Variants in PCDH19 observed in about 807,000 individuals in gnomAD.
The protein encoded by PCDH19 is protocadherin-19.
PCDH19 carries 6 observed loss-of-function variants against 46.2 expected under a neutral mutation model. That is an observed-to-expected ratio of 0.13 (90% CI 0.07 to 0.26). The LOEUF is 0.26. PCDH19 is among the 10% of genes least tolerant of loss of function. PCDH19 has a pLI of 1.00. For missense variants in PCDH19, 740 were observed against 972.3 expected, an observed-to-expected ratio of 0.76 and a Z score of 3.18; for synonymous variants, 481 against 415.7, an observed-to-expected ratio of 1.16 and a Z score of -1.91.
At chrX:100,311,062 T>C (rs1389019984) in intron 5 of PCDH19, among the ~76,000 whole-genome samples, 2 of 108,297 alleles carry the variant, frequency 1.8e-5, no homozygotes, top group African/African-American at 6.7e-5. Flanking sequence ...CTCAGGCTGG[T>C]CTCAAAATCC....
At chrX:100,312,442 C>T (rs952936176) in intron 5 of PCDH19, among the ~76,000 whole-genome samples, 1 of 112,010 alleles carries the variant, frequency 8.9e-6, no homozygotes, top group Non-Finnish European at 1.9e-5. Context: ...ATCCATCTTA[C>T]ATGGACAATG....
rs374943045 is a variant in PCDH19, at chrX:100,382,869, C to A, written c.2616+19655G>T. 5.4e-5 allele frequency among the ~76,000 whole-genome samples: 6 copies of A among 111,767 alleles called. 1 individual carries two copies. In the Admixed American group the frequency reaches 5.7e-4, roughly 11 times the overall value. On this transcript the variant is annotated intron_variant, in intron 3 of 5. Coordinates refer to ENST00000373034, the MANE Select transcript of PCDH19 (RefSeq NM_001184880.2). ...ACATTTGAACTAGAGATGGGTGTCA[C>A]AGTAAGGAACAATGAGAAACTCTGA...
chrX:100,397,999 CACACACACACACAT>C (rs1329184156), intron 3 of PCDH19, among the ~76,000 whole-genome samples: 1 of 110,208 alleles, frequency 9.1e-6, no homozygotes, highest in Non-Finnish European at 1.9e-5. Context: ...CCCTCATACA[CACACACACACACAT>C]ACACACACAC....
chrX:100,327,616 TA>T (rs1925736707), intron 5 of PCDH19, among the ~76,000 whole-genome samples: 1 of 112,167 alleles, frequency 8.9e-6, no homozygotes, highest in Non-Finnish European at 1.9e-5. Flanking sequence ...AGATAGTACA[TA>T]TAAAAGGAAA....
At chrX:100,310,968 G>T (rs895214654) in intron 5 of PCDH19, among the ~76,000 whole-genome samples, 1 of 108,154 alleles carries the variant, frequency 9.2e-6, no homozygotes, top group Non-Finnish European at 1.9e-5. Context: ...CTCCTGGCTC[G>T]GTCTTCCAAG....
At chrX:100,313,062 C>T (rs985942749) in intron 5 of PCDH19, among the ~76,000 whole-genome samples, 1 of 111,655 alleles carries the variant, frequency 9.0e-6, no homozygotes, top group African/African-American at 3.3e-5. Context: ...GATGCATTTT[C>T]ATTCACAAAT....
rs972109634 is a variant in PCDH19, at chrX:100,294,174, ATACT to A, written c.*2099_*2102del. 2.7e-5 allele frequency: 3 copies of A among 112,361 alleles called. No homozygotes were observed. The highest frequency in any genetic ancestry group is 5.6e-5 in the Non-Finnish European group (3 of 53,236). The allele number at this position is 112,361 out of a possible 1,213,427, so 9.3% of individuals were successfully genotyped here. Reference sequence around the variant, plus strand: ...AATAGTCACTTGCAAAGAGAAATAAATACTTAATTCAAAATCCACTACCAAAATG... The same window carrying A: ...AATAGTCACTTGCAAAGAGAAATAAATAATTCAAAATCCACTACCAAAATG... On this transcript the variant is annotated 3_prime_UTR_variant, in exon 6 of 6. Transcript: ENST00000373034.
chrX:100,374,010 G>C (rs1347094136), intron 3 of PCDH19, among the ~76,000 whole-genome samples: 1 of 112,198 alleles, frequency 8.9e-6, no homozygotes, highest in Admixed American at 9.4e-5. Flanking sequence ...TAAAAATGAG[G>C]GTTTCTCTAA....
At chrX:100,325,065 C>CA (rs1163209029) in intron 5 of PCDH19, among the ~76,000 whole-genome samples, 1 of 109,112 alleles carries the variant, frequency 9.2e-6, no homozygotes, top group East Asian at 2.9e-4. Flanking sequence ...AAACAAAAAC[C>CA]AAAAACCGGC....
At chrX:100,304,274 C>T (rs1273253593) in intron 5 of PCDH19, among the ~76,000 whole-genome samples, 1 of 111,460 alleles carries the variant, frequency 9.0e-6, no homozygotes, top group Non-Finnish European at 1.9e-5. Context: ...CAGTACCAGC[C>T]CATAGCCCAG....
intron 5 of PCDH19, among the ~76,000 whole-genome samples, chrX:100,304,138 A>G (rs752900258): frequency 1.8e-5 from 2 of 112,272 alleles, no homozygotes; most frequent in Admixed American, 1.9e-4. Context: ...CTAAACAAAA[A>G]TACAGCCAAG....
Position 100,374,887 on chromosome X carries a change from C to T in PCDH19, c.2617-24183G>A, listed in dbSNP as rs897176357. ...CTGGGAGGCGGAGCTTGCAGTGAGCCGAGATCATGCCTTTGCACTCCAGCC... is the reference window on the plus strand; with the variant it reads ...CTGGGAGGCGGAGCTTGCAGTGAGCTGAGATCATGCCTTTGCACTCCAGCC... On this transcript the variant is annotated intron_variant, in intron 3 of 5. Transcript: ENST00000373034. Among the ~76,000 whole-genome samples the T allele has an allele frequency of 6.4e-5, 7 of 109,618 alleles. No homozygotes were observed. In the East Asian group the frequency reaches 1.4e-3, roughly 22 times the overall value.
intron 3 of PCDH19, among the ~76,000 whole-genome samples, chrX:100,400,966 C>T (rs139954868): frequency 1.6e-4 from 18 of 111,551 alleles, no homozygotes; most frequent in African/African-American, 4.9e-4. Flanking sequence ...CGTCCTCCCT[C>T]TCTTGATGAC....
intron 4 of PCDH19, among the ~76,000 whole-genome samples, chrX:100,348,610 A>C (rs917210440): frequency 1.8e-5 from 2 of 111,904 alleles, no homozygotes; most frequent in African/African-American, 6.5e-5. Context: ...CTTTGATTTC[A>C]TGCAAAATCA....
chrX:100,307,000 C>T (rs1484868335), intron 5 of PCDH19, among the ~76,000 whole-genome samples: 2 of 111,775 alleles, frequency 1.8e-5, no homozygotes, highest in Non-Finnish European at 3.8e-5. Flanking sequence ...ATCCTATTAA[C>T]ACTATTCCAC....
Position 100,293,730 on chromosome X carries a change from G to C in PCDH19, c.*2547C>G, listed in dbSNP as rs1190916462. 5.4e-5 allele frequency: 6 copies of C among 111,533 alleles called. No individual in the cohort carries two copies. The highest frequency in any genetic ancestry group is 1.6e-4 in the African/African-American group (5 of 30,673). 9.2% of individuals were successfully genotyped at this position (111,533 alleles called of 1,213,427 possible). A position where few individuals can be genotyped will look rare whatever the true frequency, so the allele number is the denominator to read the frequency against. ...TGAGGTTTGGAAGCCAAAAAAATCT[G>C]ACTGCCCACTGAGAACAAAGTATTT... On this transcript the variant is annotated 3_prime_UTR_variant, in exon 6 of 6. Coordinates refer to ENST00000373034, the MANE Select transcript of PCDH19 (RefSeq NM_001184880.2).
Position 100,407,604 on chromosome X carries a change from C to G in PCDH19, c.994G>C (p.Val332Leu), listed in dbSNP as rs1396289338. The change falls in exon 1 of 6, where the codon GTC becomes CTC. Residue 332 changes from valine (V) to leucine (L), a missense_variant. By Grantham distance (32) the Val-to-Leu change is conservative. Coordinates refer to ENST00000373034, the MANE Select transcript of PCDH19 (RefSeq NM_001184880.2). The part of the protein sequence containing the change: ...GPNSIPAHCK[V>L]TVSVLDTNDN... ...TTGGTGTCCAGCACGCTGACGGTGA[C>G]CTTGCAGTGTGCCGGGATGGAATTG... The G allele has an allele frequency of 2.7e-5, 33 of 1,210,537 alleles. No homozygotes were observed. Among genetic ancestry groups the G allele is most frequent in the Non-Finnish European group, 3.4e-5 (30 of 895,344 alleles).
intron 5 of PCDH19, among the ~76,000 whole-genome samples, chrX:100,341,151 CAA>C (rs1926241924): frequency 8.9e-6 from 1 of 112,394 alleles, no homozygotes; most frequent in Non-Finnish European, 1.9e-5. Flanking sequence ...TTCTGCCTAG[CAA>C]AGTTTTAAAT....
chrX:100,360,149 AT>A (rs1360519110), intron 3 of PCDH19, among the ~76,000 whole-genome samples: 1 of 111,788 alleles, frequency 8.9e-6, no homozygotes, highest in East Asian at 2.8e-4. Context: ...ACACCCCCAA[AT>A]TCTGTTCCAA....
Sources: gnomAD v4.1 joint callset for allele counts (sites outside exome capture counted in the v4.1 genomes callset) on GRCh38, gnomAD v4.1.1 for gene constraint, MANE v1.5 for transcripts, NCBI Gene and HGNC (gene_info 2026-07-23, HGNC 2026-07-21) for gene names.